Variants in HCN2 observed in about 807,000 individuals in gnomAD.
The protein encoded by HCN2 is potassium/sodium hyperpolarization-activated cyclic nucleotide-gated channel 2.
Under a neutral mutation model 52.3 loss-of-function variants are expected in HCN2, and 20 were observed. The ratio of observed to expected loss-of-function variants is 0.38; its 90% CI spans 0.27 to 0.56. HCN2 has a LOEUF of 0.56. Among genes scored for constraint, HCN2 ranks in the 20% least tolerant of loss-of-function variants. HCN2 has a pLI of 0.71. For missense variants in HCN2, 981 were observed against 1,207.7 expected (o/e 0.81, Z 2.78); for synonymous variants, 694 against 537.0 (o/e 1.29, Z -4.04).
intron 1 of HCN2, among the ~76,000 whole-genome samples, chr19:600,813 C>T (rs959738698): frequency 6.6e-6 from 1 of 152,212 alleles, no homozygotes; most frequent in Non-Finnish European, 1.5e-5. Context: ...TCCAATTAGC[C>T]ATTGTAAAAC....
rs34793549 is a variant in HCN2, at chr19:599,847, CGTGTGTGTGTGTGTGTGT to C, written c.633-3664_633-3647del. Among the ~76,000 whole-genome samples, 638 of 133,394 alleles carry C rather than the reference CGTGTGTGTGTGTGTGTGT, an allele frequency of 4.8e-3. 1 individual carries two copies. The highest frequency in any genetic ancestry group is 0.012 in the South Asian group (49 of 3,998). The allele number at this position is 133,394 out of a possible 152,430, so 87.5% of individuals were successfully genotyped here. A position where few individuals can be genotyped will look rare whatever the true frequency, so the allele number is the denominator to read the frequency against. On this transcript the variant is annotated intron_variant, in intron 1 of 7. Coordinates refer to ENST00000251287, the MANE Select transcript of HCN2 (RefSeq NM_001194.4). ...TTGGTACAGGGATGGGAAGGGGTCC[CGTGTGTGTGTGTGTGTGT>C]GTGTGTGTGTGTGTGTGTGTGTGTG...
At position 592,249 on chromosome 19, in the gene HCN2, T is replaced by G. The variant is rs1982895570; in HGVS notation, c.632+1672T>G. ...CCCTCCGTCCCCTCCAGCATGACCT[T>G]CGACAGAGATGGGTGCACCGCAGCG... On this transcript the variant is annotated intron_variant, in intron 1 of 7. Transcript: ENST00000251287. The surrounding 1 kb of genome is among the most constrained non-coding windows in gnomAD (Gnocchi z 4.8). Among the ~76,000 whole-genome samples, 1 of 152,182 alleles carries G rather than the reference T, an allele frequency of 6.6e-6. No individual in the cohort carries two copies. The highest frequency in any genetic ancestry group is 1.5e-5 in the Non-Finnish European group (1 of 68,018).
At chr19:602,834 G>A (rs1401677883) in intron 1 of HCN2, among the ~76,000 whole-genome samples, 1 of 151,748 alleles carries the variant, frequency 6.6e-6, no homozygotes, top group African/African-American at 2.4e-5. Context: ...CCTGAGGAAG[G>A]GACCTGGGCT....
In HCN2 at chr19:590,231, G is replaced by C; in HGVS notation, c.286G>C (p.Gly96Arg). 1 of 989,850 alleles carries C rather than the reference G, an allele frequency of 1.0e-6. No individual in the cohort carries two copies. Among genetic ancestry groups the C allele is most frequent in the Non-Finnish European group, 1.2e-6 (1 of 834,516 alleles). The allele number at this position is 989,850 out of a possible 1,614,324, so 61.3% of individuals were successfully genotyped here. ...GTPGAASTAKGSPNGECGRGE... is the reference protein window; with the variant it reads ...GTPGAASTAKRSPNGECGRGE... ...CCCGGGCGCGGCGAGCACGGCCAAG[G>C]GCAGCCCGAACGGCGAGTGCGGGCG... Residue 96 changes from glycine (G) to arginine (R), a missense_variant, in exon 1 of 8, where the codon GGC (glycine) becomes CGC (arginine). Gly to Arg is a moderately radical substitution (Grantham distance 125). Transcript: ENST00000251287. The surrounding 1 kb of genome is among the most constrained non-coding windows in gnomAD (Gnocchi z 7.2).
In HCN2 at chr19:617,067, G is replaced by C. The variant is rs1037628971; in HGVS notation, c.*593G>C. Reference sequence around the variant, plus strand: ...CCGCCGCCGTGATGAATGTACTGACGAGCCGAGGCAGCAGTGCCCCCACCG... The same window carrying C: ...CCGCCGCCGTGATGAATGTACTGACCAGCCGAGGCAGCAGTGCCCCCACCG... On this transcript the variant is annotated 3_prime_UTR_variant, in exon 8 of 8. Coordinates refer to ENST00000251287, the MANE Select transcript of HCN2 (RefSeq NM_001194.4). The C allele has an allele frequency of 8.7e-6, 5 of 577,802 alleles. No individual in the cohort carries two copies. In the African/African-American group the frequency reaches 9.3e-5, roughly 11 times the overall value. 35.8% of individuals were successfully genotyped at this position (577,802 alleles called of 1,614,324 possible).
At chr19:601,120 C>G (rs1983188761) in intron 1 of HCN2, among the ~76,000 whole-genome samples, 1 of 152,184 alleles carries the variant, frequency 6.6e-6, no homozygotes, top group African/African-American at 2.4e-5. Context: ...CGAGACCAGC[C>G]TGACCAACAT....
chr19:614,246 G>C (rs1306367521), intron 7 of HCN2, among the ~76,000 whole-genome samples: 1 of 152,188 alleles, frequency 6.6e-6, no homozygotes, highest in Admixed American at 6.5e-5. Context: ...TTTGGGTCTA[G>C]AGGCTGATTT....
chr19:610,657 G>A (rs902714043), intron 5 of HCN2, among the ~76,000 whole-genome samples: 30 of 152,306 alleles, frequency 2.0e-4, no homozygotes, highest in East Asian at 1.5e-3. Context: ...CTGACAGGGC[G>A]GGGCAGAAGC....
intron 1 of HCN2, among the ~76,000 whole-genome samples, chr19:597,752 TCCTGGTGGTTTCTAGGTCC>T (rs1568362061): frequency 1.2e-4 from 15 of 125,590 alleles, no homozygotes; most frequent in African/African-American, 3.1e-4. Flanking sequence ...TTCTAGGTCC[TCCTGGTGGTTTCTAGGTCC>T]CCCTTGGTGG....
In HCN2 at chr19:610,392, G is replaced by A. The variant is rs201057562; in HGVS notation, c.1571G>A (p.Gly524Glu). ...DEDSILGELN[G>E]PLREEIVNFN... ...GACAGCATCCTGGGCGAGCTCAACG[G>A]GCCCCTGCGGGAGGTGAGGCGGGCG... Residue 524 changes from glycine (G) to glutamate (E), a missense_variant, in exon 5 of 8, where the codon GGG becomes GAG. Physicochemically the swap from Gly to Glu is moderately conservative, Grantham distance 98. Coordinates refer to ENST00000251287, the MANE Select transcript of HCN2 (RefSeq NM_001194.4). 7.0e-5 allele frequency: 113 copies of A among 1,613,220 alleles called. No individual in the cohort carries two copies. The highest frequency in any genetic ancestry group is 9.2e-5 in the Non-Finnish European group (108 of 1,179,636).
At chr19:608,215 G>C (rs758480098) in intron 4 of HCN2, 33 bp downstream of exon 4, 1 of 1,588,776 alleles carries the variant, frequency 6.3e-7, no homozygotes, top group East Asian at 2.2e-5. Context: ...CCTGGGTTCT[G>C]ATGGGGGAGG....
At position 614,030 on chromosome 19, in the gene HCN2, G is replaced by A. The variant is rs1458937942; in HGVS notation, c.1990+14G>A. ...TGGACCGCATCGGTGAGCGGGCCGG[G>A]GGCGTGGCCGGGGCGGGTGCCCTGG... On this transcript the variant is annotated intron_variant, in intron 7 of 7. Coordinates refer to ENST00000251287, the MANE Select transcript of HCN2 (RefSeq NM_001194.4). The A allele has an allele frequency of 6.4e-7, 1 of 1,558,066 alleles. No individual in the cohort carries two copies. Among genetic ancestry groups the A allele is most frequent in the Non-Finnish European group, 8.7e-7 (1 of 1,154,174 alleles).
rs546981004 is a variant in HCN2, at chr19:596,476, C to T, written c.632+5899C>T. ...CGGAGCTGGTCTCCCTCCCTGCCTG[C>T]GAGGGCCAAGCTGGACAAAGTGGCA... is the stretch of plus-strand genomic sequence containing the variant. On this transcript the variant is annotated intron_variant, in intron 1 of 7. Coordinates refer to ENST00000251287, the MANE Select transcript of HCN2 (RefSeq NM_001194.4). Among the ~76,000 whole-genome samples, 9 of 152,318 alleles carry T rather than the reference C, an allele frequency of 5.9e-5. No individual in the cohort carries two copies. The South Asian group carries it at 1.5e-3, about 25-fold the overall frequency.
Position 616,748 on chromosome 19 carries a change from T to G in HCN2, c.*274T>G, listed in dbSNP as rs1983958824. On this transcript the variant is annotated 3_prime_UTR_variant, in exon 8 of 8. Coordinates refer to ENST00000251287, the MANE Select transcript of HCN2 (RefSeq NM_001194.4). The stretch of plus-strand genomic sequence containing the variant: ...GGCTCCCTTCACCTCGGTGCCTCAG[T>G]TCCCCCAGCTGTAAGACAGGGACGG... 9.7e-5 allele frequency: 18 copies of G among 185,488 alleles called. No homozygotes were observed. The highest frequency in any genetic ancestry group is 1.3e-4 in the Non-Finnish European group (12 of 90,854). 11.5% of individuals were successfully genotyped at this position (185,488 alleles called of 1,614,324 possible).
intron 3 of HCN2, among the ~76,000 whole-genome samples, chr19:606,943 G>C (rs142789905): frequency 0.54 from 81,473 of 149,584 alleles, 24,349 homozygotes; most frequent in African/African-American, 0.8. Flanking sequence ...AGGCCGAGGT[G>C]GGGCTGATCA....
In HCN2 at chr19:605,297, C is replaced by T. The variant is rs766614201; in HGVS notation, c.1218+75C>T. 634 of 1,408,882 alleles carry T rather than the reference C, an allele frequency of 4.5e-4. 19 individuals are homozygous for T. Among genetic ancestry groups the T allele is most frequent in the Admixed American group, 1.6e-3 (73 of 45,086 alleles). The allele number at this position is 1,408,882 out of a possible 1,614,324, so 87.3% of individuals were successfully genotyped here. On this transcript the variant is annotated intron_variant, in intron 3 of 7. Coordinates refer to ENST00000251287, the MANE Select transcript of HCN2 (RefSeq NM_001194.4). ...AGGGGGGACCCAGGCCCCCTTATCCCGCTTACAGAGGGTTGAACCCAAGCC... is the reference window on the plus strand; with the variant it reads ...AGGGGGGACCCAGGCCCCCTTATCCTGCTTACAGAGGGTTGAACCCAAGCC...
At chr19:599,840 G>C (rs1983147017) in intron 1 of HCN2, among the ~76,000 whole-genome samples, 1 of 145,192 alleles carries the variant, frequency 6.9e-6, no homozygotes, top group Non-Finnish European at 1.5e-5. Flanking sequence ...GGGATGGGAA[G>C]GGGTCCCGTG....
rs370243968 is a variant in HCN2 at position 615,815 on chromosome 19, C to T, written c.2011C>T (p.Leu671=). The change falls in exon 8 of 8, where the codon CTG becomes TTG. Residue 671 remains leucine (L), a synonymous_variant. Transcript: ENST00000251287. ...DRIGKKNSIL[L]HKVQHDLNSG... ...CGCAGGCAAGAAGAATTCCATCCTC[C>T]TGCACAAGGTGCAGCATGACCTCAA... 6.2e-7 allele frequency: 1 copy of T among 1,612,184 alleles called. No individual in the cohort carries two copies. The highest frequency in any genetic ancestry group is 8.5e-7 in the Non-Finnish European group (1 of 1,179,644).
chr19:593,681 G>C (rs1053699610), intron 1 of HCN2, among the ~76,000 whole-genome samples: 1 of 152,170 alleles, frequency 6.6e-6, no homozygotes, highest in Non-Finnish European at 1.5e-5. Flanking sequence ...TGGGGCTGTG[G>C]GTGGCTCTAC....
Sources: gnomAD v4.1 joint callset for allele counts (sites outside exome capture counted in the v4.1 genomes callset) on GRCh38, gnomAD v4.1.1 for gene constraint, Gnocchi (gnomAD v3.1) non-coding constraint, MANE v1.5 for transcripts, NCBI Gene and HGNC (gene_info 2026-07-23, HGNC 2026-07-21) for gene names.